The following TSEN2 variants were observed in gnomAD, a reference collection of about 807,000 sequenced individuals.
The protein encoded by TSEN2 is tRNA splicing endonuclease subunit 2, also known as tRNA-splicing endonuclease subunit Sen2.
A neutral mutation model predicts 59.2 loss-of-function variants in TSEN2; 54 were observed. That is an observed-to-expected ratio of 0.91 (90% CI 0.73 to 1.14). The LOEUF (loss-of-function observed/expected upper bound fraction) is 1.14. Among genes scored for constraint, TSEN2 ranks in the 50% most tolerant of loss-of-function variants. The pLI is 0.00. For missense variants in TSEN2, 636 were observed against 576.2 expected, an observed-to-expected ratio of 1.10 and a Z score of -1.06; for synonymous variants, 195 against 198.2, an observed-to-expected ratio of 0.98 and a Z score of 0.14.
At chr3:12,539,188 C>G (rs991865047) in exon 11 of TSEN2, 3 of 425,704 alleles carry the variant, frequency 7.0e-6, no homozygotes, top group African/African-American at 6.4e-5. Flanking sequence ...GGCTGGAGTC[C>G]AATGCTGCGA....
chr3:12,516,304 T>G (rs942712263), intron 6 of TSEN2, among the ~76,000 whole-genome samples: 6 of 152,078 alleles, frequency 3.9e-5, no homozygotes, highest in South Asian at 4.1e-4. Context: ...CGGGCGCCTG[T>G]AGTCCCAGCT....
At chr3:12,520,067 T>C (rs59486519) in intron 8 of TSEN2, among the ~76,000 whole-genome samples, 2,484 of 152,072 alleles carry the variant, frequency 0.016, 42 homozygotes, top group South Asian at 0.058. Flanking sequence ...GGCACAATCT[T>C]GGCTCACTGC....
At chr3:12,496,468 T>A in intron 3 of TSEN2, 50 bp from the exon 4 acceptor site, 2 of 1,587,258 alleles carry the variant, frequency 1.3e-6, no homozygotes, top group Non-Finnish European at 1.7e-6. Flanking sequence ...TTAGTGTTTG[T>A]TCCCCTTATG....
intron 8 of TSEN2, among the ~76,000 whole-genome samples, chr3:12,526,847 T>C (rs2057124408): frequency 6.6e-6 from 1 of 152,356 alleles, no homozygotes; most frequent in South Asian, 2.1e-4. Context: ...ACTTGCCTTG[T>C]GGGTGTGAGC....
At chr3:12,499,266 T>G (rs960044783) in intron 4 of TSEN2, among the ~76,000 whole-genome samples, 3 of 152,180 alleles carry the variant, frequency 2.0e-5, no homozygotes, top group African/African-American at 4.8e-5. Flanking sequence ...GGACCAGCCC[T>G]GATGGTCGTG....
intron 11 of TSEN2, among the ~76,000 whole-genome samples, chr3:12,532,348 C>T (rs2057515646): frequency 1.3e-5 from 2 of 152,202 alleles, no homozygotes; most frequent in South Asian, 4.1e-4. Flanking sequence ...ACAGCAATGC[C>T]ATCACAGACC....
intron 6 of TSEN2, among the ~76,000 whole-genome samples, chr3:12,509,200 TGTTGTTG>T (rs2125087653): frequency 8.6e-6 from 1 of 115,962 alleles, no homozygotes; most frequent in African/African-American, 4.9e-5. Context: ...TGGTTTTTTT[TGTTGTTG>T]TTTTTTTTTT....
chr3:12,519,787 C>A (rs181909544), intron 8 of TSEN2, among the ~76,000 whole-genome samples: 92 of 152,224 alleles, frequency 6.0e-4, no homozygotes, highest in East Asian at 3.9e-3. Context: ...CACCCACCCC[C>A]ACGTCTCTAG....
chr3:12,498,344 T>C (rs1416503354), intron 4 of TSEN2, among the ~76,000 whole-genome samples: 1 of 152,238 alleles, frequency 6.6e-6, no homozygotes, highest in African/African-American at 2.4e-5. Flanking sequence ...AACTATTCAC[T>C]AATAAGCAGG....
In TSEN2 at chr3:12,530,457, G is replaced by A. The variant is rs1035929472; in HGVS notation, c.1248+584G>A. ...TGGCTTTTGTTTCACTATATCCTTC[G>A]TGTTGCCATCAGAGATAGGAGGGAC... On this transcript the variant is annotated intron_variant, in intron 10 of 11. Coordinates refer to ENST00000284995, the MANE Select transcript of TSEN2 (RefSeq NM_025265.4). 45 of 985,368 alleles carry A rather than the reference G, an allele frequency of 4.6e-5. No individual in the cohort carries two copies. In the Admixed American group the frequency reaches 8.6e-4, roughly 19 times the overall value. The allele number at this position is 985,368 out of a possible 1,614,324, so 61.0% of individuals were successfully genotyped here.
intron 6 of TSEN2, among the ~76,000 whole-genome samples, chr3:12,514,092 T>C (rs145355224): frequency 6.6e-6 from 1 of 152,190 alleles, no homozygotes; most frequent in South Asian, 2.1e-4. Flanking sequence ...GAGGAACACA[T>C]GTAAGAGGAA....
chr3:12,529,176 C>T (rs1033578423), intron 9 of TSEN2, among the ~76,000 whole-genome samples: 1 of 152,276 alleles, frequency 6.6e-6, no homozygotes. Context: ...TTCATTTTAA[C>T]ATCACTTAGG....
intron 8 of TSEN2, among the ~76,000 whole-genome samples, chr3:12,521,177 C>T (rs1313104808): frequency 1.3e-5 from 2 of 152,148 alleles, no homozygotes; most frequent in Non-Finnish European, 2.9e-5. Flanking sequence ...AAGTGAGGGT[C>T]TGGAGTAGGT....
chr3:12,493,001 G>C (rs1016727221), intron 3 of TSEN2, among the ~76,000 whole-genome samples: 6 of 152,070 alleles, frequency 3.9e-5, no homozygotes, highest in Non-Finnish European at 7.4e-5. Flanking sequence ...ACCTATTATA[G>C]ATATTTCATA....
At chr3:12,482,524 ATTTC>A (rs1166037678), upstream of TSEN2, among the ~76,000 whole-genome samples, 5 of 151,614 alleles carry the variant, frequency 3.3e-5, no homozygotes, top group Non-Finnish European at 7.4e-5. Context: ...CTTGGGGAAA[ATTTC>A]TTTCTTTTTT....
At chr3:12,530,828 A>AC in intron 10 of TSEN2, 1 of 927,528 alleles carries the variant, frequency 1.1e-6, no homozygotes, top group Non-Finnish European at 1.3e-6. Context: ...GTATAACAAA[A>AC]CCGTTTTTTC....
intron 1 of TSEN2, among the ~76,000 whole-genome samples, chr3:12,487,194 G>T (rs985226634): frequency 6.6e-6 from 1 of 152,144 alleles, no homozygotes; most frequent in African/African-American, 2.4e-5. Flanking sequence ...TAATAATGGC[G>T]GCTTTGCATG....
chr3:12,526,579 CAT>C (rs1347251240), intron 8 of TSEN2, among the ~76,000 whole-genome samples: 3 of 152,184 alleles, frequency 2.0e-5, no homozygotes, highest in African/African-American at 7.2e-5. Context: ...CCTAAGGACT[CAT>C]ATCTTAGAAC....
In TSEN2 at chr3:12,503,714, ACC is replaced by A. The variant is rs1335591172; in HGVS notation, c.762_763del (p.Asp254GlufsTer2). On this transcript the variant is annotated frameshift_variant, in exon 5 of 12. Transcript: ENST00000284995. LOFTEE classifies it high-confidence loss of function. ...CTGCATCCTGGGGACAGAGGGCCTG[ACC>A]ATGAGTACGTGCTGGTCGAGGAAGC... 6.2e-7 allele frequency: 1 copy of A among 1,614,004 alleles called. No homozygotes were observed. Among genetic ancestry groups the A allele is most frequent in the Non-Finnish European group, 8.5e-7 (1 of 1,179,926 alleles).
Sources: gnomAD v4.1 joint callset for allele counts (sites outside exome capture counted in the v4.1 genomes callset) on GRCh38, gnomAD v4.1.1 for gene constraint, MANE v1.5 for transcripts, NCBI Gene and HGNC (gene_info 2026-07-23, HGNC 2026-07-21) for gene names.